The following FHIT variants were observed in gnomAD, a reference collection of about 807,000 sequenced individuals.
FHIT encodes the protein bis(5'-adenosyl)-triphosphatase.
In FHIT, 19 loss-of-function variants were observed where a neutral mutation model predicts 17.9. The ratio of observed to expected loss-of-function variants is 1.06; its 90% CI spans 0.74 to 1.56. The LOEUF (loss-of-function observed/expected upper bound fraction) is 1.56, where lower values mean the gene tolerates loss of function less well. Ranked by LOEUF, FHIT falls within the 40% of genes most tolerant of loss-of-function variation. The pLI, the probability that FHIT is intolerant of heterozygous loss-of-function variation, is 0.00. For synonymous variants in FHIT, 81 were observed against 69.7 expected (o/e 1.16, Z -0.81); for missense variants, 248 against 189.2 (o/e 1.31, Z -1.82).
intron 4 of FHIT, among the ~76,000 whole-genome samples, chr3:60,706,287 T>C (rs2041371228): frequency 6.6e-6 from 1 of 152,036 alleles, no homozygotes; most frequent in African/African-American, 2.4e-5. Context: ...GACTAATGCA[T>C]GCGGGGCTTA....
chr3:60,971,593 T>C (rs1488791157), intron 3 of FHIT, among the ~76,000 whole-genome samples: 1 of 152,026 alleles, frequency 6.6e-6, no homozygotes, highest in African/African-American at 2.4e-5. Context: ...TTTTCCACGC[T>C]CTGATGTTTT....
chr3:60,363,952 C>G (rs1269343398), intron 5 of FHIT, among the ~76,000 whole-genome samples: 2 of 152,174 alleles, frequency 1.3e-5, no homozygotes, highest in Non-Finnish European at 2.9e-5. Flanking sequence ...GAGGTTCCCA[C>G]AACTGCTACC....
chr3:59,995,518 G>A (rs769317317), intron 7 of FHIT, among the ~76,000 whole-genome samples: 2 of 152,084 alleles, frequency 1.3e-5, no homozygotes, highest in Non-Finnish European at 2.9e-5. Flanking sequence ...TTCTGTTATT[G>A]TAAACTTAAC....
Position 60,401,155 on chromosome 3 carries a change from T to TGC in FHIT, c.103+135704_103+135705insGC, listed in dbSNP as rs1701642362. ...TTATCTATGCATTTGTAAAGGTTATTTTTGCTTTGCTTGTAGTGATTGCTC... is the reference window on the plus strand; with the variant it reads ...TTATCTATGCATTTGTAAAGGTTATTGCTTTGCTTTGCTTGTAGTGATTGCTC... On this transcript the variant is annotated intron_variant, in intron 5 of 9. Transcript: ENST00000492590. Among the ~76,000 whole-genome samples, 3 of 152,266 alleles carry TGC rather than the reference T, an allele frequency of 2.0e-5. No individual in the cohort carries two copies. In the South Asian group the frequency reaches 6.2e-4, roughly 32 times the overall value.
At position 61,057,621 on chromosome 3, in the gene FHIT, G is replaced by T. The variant is rs148585230; in HGVS notation, c.-163-15522C>A. Among the ~76,000 whole-genome samples, 281 of 152,268 alleles carry T rather than the reference G, an allele frequency of 1.8e-3. 2 individuals are homozygous for T. Among genetic ancestry groups the T allele is most frequent in the African/African-American group, 6.5e-3 (270 of 41,542 alleles). The stretch of plus-strand genomic sequence containing the variant: ...GTAAAGGCCATAAATTATGTTACAT[G>T]TTGGTTAATTCTCCTTCAGAACACC... On this transcript the variant is annotated intron_variant, in intron 2 of 9. Transcript: ENST00000492590.
intron 7 of FHIT, among the ~76,000 whole-genome samples, chr3:59,940,100 G>C (rs1035170453): frequency 6.6e-6 from 1 of 152,160 alleles, no homozygotes; most frequent in African/African-American, 2.4e-5. Context: ...CAACACCTCA[G>C]AGCTTCAGAT....
intron 8 of FHIT, among the ~76,000 whole-genome samples, chr3:59,843,224 T>C (rs918096017): frequency 3.3e-5 from 5 of 152,184 alleles, no homozygotes; most frequent in African/African-American, 4.8e-5. Flanking sequence ...TTTGACCACA[T>C]ATGTGAAGGT....
At position 60,437,306 on chromosome 3, in the gene FHIT, A is replaced by G. The variant is rs186991205; in HGVS notation, c.103+99554T>C. Among the ~76,000 whole-genome samples, 5 of 152,236 alleles carry G rather than the reference A, an allele frequency of 3.3e-5. No homozygotes were observed. In the East Asian group the frequency reaches 7.7e-4, roughly 24 times the overall value. On this transcript the variant is annotated intron_variant, in intron 5 of 9. Transcript: ENST00000492590. The stretch of plus-strand genomic sequence containing the variant: ...CAGAGAGAAGGAAGGCATATTTACA[A>G]TAAAAGGGAGTGATTATACAATACA...
At chr3:59,910,389 G>A (rs1704811976) in intron 8 of FHIT, among the ~76,000 whole-genome samples, 1 of 152,124 alleles carries the variant, frequency 6.6e-6, no homozygotes, top group Non-Finnish European at 1.5e-5. Context: ...AGAATGGGAG[G>A]CAGGTTGCCC....
intron 5 of FHIT, among the ~76,000 whole-genome samples, chr3:60,186,209 A>T (rs922518369): frequency 1.3e-5 from 2 of 152,128 alleles, no homozygotes; most frequent in South Asian, 2.1e-4. Context: ...CTACTAACAC[A>T]TTACCAAATA....
intron 3 of FHIT, among the ~76,000 whole-genome samples, chr3:60,929,193 G>T (rs1707817276): frequency 6.6e-6 from 1 of 152,150 alleles, no homozygotes; most frequent in African/African-American, 2.4e-5. Flanking sequence ...AATAAATGAG[G>T]TATTGATGGG....
At chr3:59,866,095 T>C (rs1275955047) in intron 8 of FHIT, among the ~76,000 whole-genome samples, 4 of 152,134 alleles carry the variant, frequency 2.6e-5, no homozygotes, top group Non-Finnish European at 4.4e-5. Context: ...CAGAGAGTGA[T>C]AGACGATACA....
At chr3:60,006,211 A>T (rs1051253876) in intron 7 of FHIT, among the ~76,000 whole-genome samples, 1 of 152,210 alleles carries the variant, frequency 6.6e-6, no homozygotes, top group African/African-American at 2.4e-5. Context: ...CCCAATTAAG[A>T]AGGCAGATTT....
chr3:60,361,687 C>A (rs1699912008), intron 5 of FHIT, among the ~76,000 whole-genome samples: 1 of 152,158 alleles, frequency 6.6e-6, no homozygotes, highest in African/African-American at 2.4e-5. Context: ...AGACACAGAA[C>A]CCCACTGGCC....
chr3:60,169,651 C>G (rs71313748), intron 5 of FHIT, among the ~76,000 whole-genome samples: 1 of 152,224 alleles, frequency 6.6e-6, no homozygotes, highest in South Asian at 2.1e-4. Context: ...AAGTAATATC[C>G]TAAGTCAGTA....
chr3:60,331,206 G>A (rs941321587), intron 5 of FHIT, among the ~76,000 whole-genome samples: 7 of 152,094 alleles, frequency 4.6e-5, no homozygotes, highest in African/African-American at 1.7e-4. Context: ...ATTCTGCCTG[G>A]AATGCCTTTC....
At chr3:60,066,821 T>C (rs1296668192) in intron 5 of FHIT, among the ~76,000 whole-genome samples, 1 of 151,914 alleles carries the variant, frequency 6.6e-6, no homozygotes, top group East Asian at 1.9e-4. Context: ...CATGCCCGGC[T>C]AATTTTTTAT....
At chr3:59,939,972 TG>T (rs1706431856) in intron 7 of FHIT, among the ~76,000 whole-genome samples, 1 of 152,120 alleles carries the variant, frequency 6.6e-6, no homozygotes, top group Non-Finnish European at 1.5e-5. Context: ...CTAAGTGACA[TG>T]GAAGGTTCAG....
chr3:60,941,959 T>C lies in FHIT; in HGVS notation c.-111+100088A>G, dbSNP rs114427951. ...TCAAACACTCTCACTTTTCCTATAC[T>C]GCACTTACCAAAATTGTAAATAGTT... On this transcript the variant is annotated intron_variant, in intron 3 of 9. Coordinates refer to ENST00000492590, the MANE Select transcript of FHIT (RefSeq NM_002012.4). 7.1e-3 allele frequency among the ~76,000 whole-genome samples: 1,078 copies of C among 152,312 alleles called. 11 individuals carry two copies. The highest frequency in any genetic ancestry group is 0.025 in the African/African-American group (1,035 of 41,562).
Sources: allele counts gnomAD v4.1 joint callset (sites outside exome capture counted in the v4.1 genomes callset), GRCh38; gene constraint gnomAD v4.1.1; transcripts MANE v1.5; gene names NCBI Gene and HGNC (gene_info 2026-07-23, HGNC 2026-07-21).